KMT5A: variants seen among roughly 807,000 people sequenced by gnomAD.
KMT5A encodes the protein lysine methyltransferase 5A.
A neutral mutation model predicts 40.6 loss-of-function variants in KMT5A; 6 were observed. That is an observed-to-expected ratio of 0.15 (90% CI 0.08 to 0.29). The LOEUF (loss-of-function observed/expected upper bound fraction) is 0.29, where lower values mean the gene tolerates loss of function less well. KMT5A is among the 10% of genes least tolerant of loss of function. The pLI is 1.00. For synonymous variants in KMT5A, 153 were observed against 178.8 expected, an observed-to-expected ratio of 0.86 and a Z score of 1.15; for missense variants, 308 against 459.1, an observed-to-expected ratio of 0.67 and a Z score of 3.01.
At chr12:123,403,140 C>T (rs28690326) in intron 5 of KMT5A, among the ~76,000 whole-genome samples, 91,727 of 152,116 alleles carry the variant, frequency 0.6, 29,131 homozygotes, top group East Asian at 0.7. Context: ...CGTGACCTTA[C>T]GATCCGCCCG....
intron 7 of KMT5A, 72 bp downstream of exon 7, chr12:123,405,146 T>A: frequency 7.1e-7 from 1 of 1,411,720 alleles, no homozygotes; most frequent in South Asian, 1.4e-5. Flanking sequence ...GGCCAGGAAC[T>A]CCTGATTCTG....
At chr12:123,398,506 A>T (rs183105499) in intron 5 of KMT5A, among the ~76,000 whole-genome samples, 9 of 152,326 alleles carry the variant, frequency 5.9e-5, no homozygotes, top group African/African-American at 1.9e-4. Context: ...ATGGGACAGG[A>T]TGCAGGTCTG....
At chr12:123,405,877 T>A (rs1878513439) in intron 7 of KMT5A, among the ~76,000 whole-genome samples, 1 of 151,240 alleles carries the variant, frequency 6.6e-6, no homozygotes. Flanking sequence ...TGGAGTGCAG[T>A]GGTGCAATCT....
chr12:123,389,801 C>T (rs964152202), intron 2 of KMT5A, among the ~76,000 whole-genome samples: 2 of 152,136 alleles, frequency 1.3e-5, no homozygotes, highest in African/African-American at 4.8e-5. Context: ...TGGCCGCGGT[C>T]CCAGGCTGTG....
intron 6 of KMT5A, among the ~76,000 whole-genome samples, chr12:123,403,892 G>A (rs1267015222): frequency 1.3e-5 from 2 of 152,146 alleles, no homozygotes; most frequent in Non-Finnish European, 2.9e-5. Flanking sequence ...ACAATTCAGT[G>A]GCTTTTTGTA....
In KMT5A at chr12:123,395,130, G is replaced by T; in HGVS notation, c.373G>T (p.Val125Leu). The stretch of plus-strand genomic sequence containing the variant: ...CAAAGACGCCAGGAAAGGTCCCCTG[G>T]TACCTTTTCCAAACCAAAAATCTGA... ...KIKDARKGPL[V>L]PFPNQKSEAA... The change falls in exon 4 of 8, where the codon GTA (valine) becomes TTA (leucine). Residue 125 changes from valine (V) to leucine (L), a missense_variant. By Grantham distance (32) the Val-to-Leu change is conservative. Transcript: ENST00000402868. 1.9e-6 allele frequency: 3 copies of T among 1,607,726 alleles called. No homozygotes were observed. Among genetic ancestry groups the T allele is most frequent in the Non-Finnish European group, 2.5e-6 (3 of 1,176,976 alleles).
chr12:123,400,666 T>G (rs1488305918), intron 5 of KMT5A, among the ~76,000 whole-genome samples: 9 of 151,940 alleles, frequency 5.9e-5, no homozygotes, highest in African/African-American at 2.2e-4. Flanking sequence ...GCCAATAATT[T>G]TAATTTTATA....
intron 1 of KMT5A, 100 bp from the exon 2 acceptor site, chr12:123,389,333 G>A (rs1205664279): frequency 1.3e-6 from 1 of 769,600 alleles, no homozygotes; most frequent in African/African-American, 2.0e-5. Flanking sequence ...TGGCTGCGGC[G>A]GGAGGCGCCG....
At chr12:123,392,582 A>G (rs2139169593) in intron 3 of KMT5A, among the ~76,000 whole-genome samples, 1 of 152,254 alleles carries the variant, frequency 6.6e-6, no homozygotes, top group African/African-American at 2.4e-5. Context: ...GAGGATCCCT[A>G]GCACCCAGGA....
chr12:123,396,016 C>A (rs1877695079), intron 4 of KMT5A, among the ~76,000 whole-genome samples: 1 of 152,110 alleles, frequency 6.6e-6, no homozygotes, highest in Non-Finnish European at 1.5e-5. Context: ...TGGCTAATTT[C>A]TTTCCTTTTT....
At chr12:123,386,086 C>T (rs1160321450) in intron 1 of KMT5A, among the ~76,000 whole-genome samples, 1 of 152,110 alleles carries the variant, frequency 6.6e-6, no homozygotes, top group Non-Finnish European at 1.5e-5. Flanking sequence ...TGGCAGCTTA[C>T]AAATCACCTA....
chr12:123,400,498 T>C (rs1274847740), intron 5 of KMT5A, among the ~76,000 whole-genome samples: 5 of 149,250 alleles, frequency 3.4e-5, no homozygotes, highest in African/African-American at 1.2e-4. Context: ...GTAGCTGGGA[T>C]TATAGGCGCT....
At chr12:123,406,612 C>T (rs756454349) in intron 7 of KMT5A, among the ~76,000 whole-genome samples, 7 of 152,196 alleles carry the variant, frequency 4.6e-5, no homozygotes, top group African/African-American at 7.2e-5. Flanking sequence ...CCGCGCCTGG[C>T]GGGGTTGATT....
chr12:123,399,785 C>T (rs1047920503), intron 5 of KMT5A, among the ~76,000 whole-genome samples: 2 of 152,194 alleles, frequency 1.3e-5, no homozygotes, highest in African/African-American at 2.4e-5. Context: ...CAGTACCAAC[C>T]TGGGCAACAT....
intron 3 of KMT5A, chr12:123,391,164 C>T (rs1308296667): frequency 1.2e-5 from 2 of 173,336 alleles, no homozygotes; most frequent in Admixed American, 5.7e-5. Context: ...GAACTGACTT[C>T]CTTCCCTTTT....
At chr12:123,388,515 G>A (rs780009312) in intron 1 of KMT5A, 2 of 152,180 alleles carry the variant, frequency 1.3e-5, no homozygotes, top group Non-Finnish European at 2.9e-5. Context: ...CTGTGGCCCG[G>A]GACAAACCCC....
intron 5 of KMT5A, among the ~76,000 whole-genome samples, chr12:123,398,631 C>G (rs182560598): frequency 6.6e-6 from 1 of 152,226 alleles, no homozygotes; most frequent in Non-Finnish European, 1.5e-5. Flanking sequence ...GCTTTGCCCC[C>G]CACTGTTTGT....
At chr12:123,404,829 G>A (rs1878414739) in intron 6 of KMT5A, 55 bp from the exon 7 acceptor site, 2 of 1,553,950 alleles carry the variant, frequency 1.3e-6, no homozygotes, top group Non-Finnish European at 1.8e-6. Flanking sequence ...GACCTGCTGT[G>A]CACAGTGGCA....
rs760496188 is a variant in KMT5A at position 123,407,455 on chromosome 12, T to A, written c.849-38T>A. 1.9e-6 allele frequency: 3 copies of A among 1,600,036 alleles called. No homozygotes were observed. The East Asian group carries it at 6.7e-5, about 36-fold the overall frequency. On this transcript the variant is annotated intron_variant, in intron 7 of 7. Transcript: ENST00000402868. ...CTCTCTTCAGGTTGAAAAGCCTCTT[T>A]ATCCATTTAATCCTCTCTGGCCCTC... is the stretch of plus-strand genomic sequence containing the variant.
Sources: allele counts gnomAD v4.1 joint callset (sites outside exome capture counted in the v4.1 genomes callset), GRCh38; gene constraint gnomAD v4.1.1; transcripts MANE v1.5; gene names NCBI Gene and HGNC (gene_info 2026-07-23, HGNC 2026-07-21).